The following USP54 variants were observed in gnomAD, a reference collection of about 807,000 sequenced individuals.
USP54 encodes ubiquitin specific peptidase 54.
USP54 carries 87 observed loss-of-function variants against 170.5 expected under a neutral mutation model. That is an observed-to-expected ratio of 0.51 (90% CI 0.43 to 0.61). The LOEUF is 0.61. Ranked by LOEUF, USP54 falls within the 20% of genes least tolerant of loss-of-function variation. The pLI, the probability that USP54 is intolerant of heterozygous loss-of-function variation, is 0.00. For missense variants in USP54, 1,786 were observed against 2,047.8 expected (o/e 0.87, Z 2.47); for synonymous variants, 655 against 742.8 (o/e 0.88, Z 1.92).
chr10:73,530,939 C>G, intron 12 of USP54, 104 bp from the exon 13 acceptor site: 3 of 1,497,032 alleles, frequency 2.0e-6, no homozygotes, highest in Non-Finnish European at 2.7e-6. Context: ...ATTTAGAGTA[C>G]CCATGGAACA....
intron 1 of USP54, among the ~76,000 whole-genome samples, chr10:73,622,414 C>G (rs1011701252): frequency 6.6e-6 from 1 of 151,938 alleles, no homozygotes; most frequent in African/African-American, 2.4e-5. Flanking sequence ...ACCTCCGCTT[C>G]CTGGGTTCAA....
chr10:73,512,366 T>G (rs2060350686), intron 20 of USP54, among the ~76,000 whole-genome samples: 1 of 152,094 alleles, frequency 6.6e-6, no homozygotes, highest in South Asian at 2.1e-4. Context: ...CTTGAACTCC[T>G]GGGCTCAAGT....
chr10:73,544,916 G>A (rs993610384), intron 5 of USP54, among the ~76,000 whole-genome samples: 7 of 151,988 alleles, frequency 4.6e-5, no homozygotes, highest in African/African-American at 7.2e-5. Flanking sequence ...GTTTCGCTAC[G>A]TTGGCCAGGC....
At chr10:73,572,114 C>T (rs1338082830) in intron 3 of USP54, among the ~76,000 whole-genome samples, 1 of 152,122 alleles carries the variant, frequency 6.6e-6, no homozygotes, top group East Asian at 1.9e-4. Context: ...TGTGGTCTTC[C>T]TCCCTAAAAC....
chr10:73,624,768 T>G lies in USP54; in HGVS notation c.-18+799A>C, dbSNP rs78810110. On this transcript the variant is annotated intron_variant, in intron 1 of 22. Transcript: ENST00000339859. The stretch of plus-strand genomic sequence containing the variant: ...GTCCTTAAGACTCAAAGACTAGATG[T>G]TTTCCCCTCTGTGATTTTTAACTCC... Among the ~76,000 whole-genome samples, 97 of 152,312 alleles carry G rather than the reference T, an allele frequency of 6.4e-4. No homozygotes were observed. The East Asian group carries it at 0.015, about 23-fold the overall frequency.
At chr10:73,504,793 A>G in intron 22 of USP54, 57 bp downstream of exon 22, 1 of 1,611,526 alleles carries the variant, frequency 6.2e-7, no homozygotes, top group Non-Finnish European at 8.5e-7. Flanking sequence ...CCTGCACTGT[A>G]TTTTTGCTTA....
chr10:73,535,840 A>T (rs1333867172), intron 11 of USP54, among the ~76,000 whole-genome samples: 1 of 152,148 alleles, frequency 6.6e-6, no homozygotes, highest in Non-Finnish European at 1.5e-5. Context: ...CACCCTGCCC[A>T]GCTACACATT....
chr10:73,504,966 T>C lies in USP54; in HGVS notation c.4195A>G (p.Arg1399Gly). The C allele has an allele frequency of 6.2e-7, 1 of 1,614,144 alleles. No homozygotes were observed. Among genetic ancestry groups the C allele is most frequent in the Non-Finnish European group, 8.5e-7 (1 of 1,180,034 alleles). The change falls in exon 22 of 24, where the codon AGG becomes GGG. Residue 1399 changes from arginine to glycine, a missense_variant. Physicochemically the swap from Arg to Gly is moderately radical, Grantham distance 125. Around this residue, in one of 3 missense-constraint regions of USP54, gnomAD observed 1,418 missense variants for 1,569.0 expected, o/e 0.90. Transcript: ENST00000687698. ...SQATPCRGLS[R>G]ECGEDEQYSA... ...TACTGCTCATCCTCCCCACACTCCC[T>C]GCTGAGGCCTCGGCAAGGTGTAGCC...
Position 73,530,498 on chromosome 10 carries a change from A to T in USP54, c.1473T>A (p.Ala491=). ...TGGATGGTTTGGAGGCATTTCTAGG[A>T]GCCTGCTTCTCTTTCAGTGTTTCTC... ...SEGETLKEKQ[A]PRNASKPSSS... The change falls in exon 14 of 24, where the codon GCT becomes GCA. Residue 491 remains alanine (A), a synonymous_variant. Coordinates refer to ENST00000687698, the MANE Select transcript of USP54 (RefSeq NM_001391956.1). The T allele has an allele frequency of 1.9e-6, 3 of 1,610,038 alleles. No homozygotes were observed. The South Asian group carries it at 3.3e-5, about 18-fold the overall frequency.
intron 4 of USP54, among the ~76,000 whole-genome samples, chr10:73,546,996 T>C (rs1046238131): frequency 6.6e-6 from 1 of 152,234 alleles, no homozygotes; most frequent in Non-Finnish European, 1.5e-5. Flanking sequence ...GTATTACTTG[T>C]GGCAAATATA....
intron 1 of USP54, among the ~76,000 whole-genome samples, chr10:73,621,595 G>A (rs1360748349): frequency 3.3e-5 from 4 of 119,808 alleles, no homozygotes; most frequent in South Asian, 3.4e-4. Context: ...GGGACACTCC[G>A]TCTCAAAAAA....
intron 4 of USP54, among the ~76,000 whole-genome samples, chr10:73,560,663 CAAA>C (rs751168962): frequency 6.1e-4 from 10 of 16,466 alleles, no homozygotes; most frequent in Admixed American, 4.0e-3. Context: ...AACTCCGTCT[CAAA>C]AAAAAAAAAA....
At chr10:73,599,175 TAC>T (rs1377766984) in intron 1 of USP54, among the ~76,000 whole-genome samples, 1 of 152,218 alleles carries the variant, frequency 6.6e-6, no homozygotes, top group African/African-American at 2.4e-5. Context: ...GATCAGTGGA[TAC>T]AGTTATTCGA....
At chr10:73,535,311 A>C (rs1229862252) in intron 11 of USP54, among the ~76,000 whole-genome samples, 1 of 152,128 alleles carries the variant, frequency 6.6e-6, no homozygotes, top group African/African-American at 2.4e-5. Context: ...AGCTGAGATA[A>C]GCATAATAGG....
chr10:73,516,405 C>A lies in USP54; in HGVS notation c.4021G>T (p.Asp1341Tyr). 1 of 1,613,166 alleles carries A rather than the reference C, an allele frequency of 6.2e-7. No individual in the cohort carries two copies. Among genetic ancestry groups the A allele is most frequent in the Middle Eastern group, 1.7e-4 (1 of 6,006 alleles). The change falls in exon 20 of 24, where the codon GAT becomes TAT. Residue 1341 changes from aspartate to tyrosine, a missense_variant. By Grantham distance (160) the Asp-to-Tyr change is radical (BLOSUM62 -3). Transcript: ENST00000687698. ...TGGCTAAGTGGGTGCCAGGCGGTATCCTGCTGCCCCCATCCAGAACAGCCA... is the reference window on the plus strand; with the variant it reads ...TGGCTAAGTGGGTGCCAGGCGGTATACTGCTGCCCCCATCCAGAACAGCCA... ...QAGCSGWGQQ[D>Y]TAWHPLSQTG... is the part of the protein sequence containing the mutation.
intron 23 of USP54, among the ~76,000 whole-genome samples, chr10:73,500,240 T>C (rs991140540): frequency 6.6e-6 from 1 of 152,208 alleles, no homozygotes; most frequent in African/African-American, 2.4e-5. Context: ...CTCCCACTCA[T>C]TCCTTATCTT....
chr10:73,522,798 G>T (rs149644998), intron 17 of USP54, among the ~76,000 whole-genome samples: 1 of 152,298 alleles, frequency 6.6e-6, no homozygotes, highest in Admixed American at 6.5e-5. Flanking sequence ...GATTCTCTAA[G>T]TGTATATAAA....
chr10:73,534,368 A>G (rs1050193414), intron 12 of USP54, among the ~76,000 whole-genome samples: 1 of 151,842 alleles, frequency 6.6e-6, no homozygotes, highest in African/African-American at 2.4e-5. Flanking sequence ...CACCATGCCC[A>G]ACTAATTTTT....
At chr10:73,549,080 C>T (rs912865190) in intron 4 of USP54, among the ~76,000 whole-genome samples, 2 of 152,238 alleles carry the variant, frequency 1.3e-5, no homozygotes, top group Non-Finnish European at 2.9e-5. Context: ...CTTTAAAATA[C>T]TTCCTTCCCC....
Sources: allele counts gnomAD v4.1 joint callset (sites outside exome capture counted in the v4.1 genomes callset), GRCh38; gene constraint gnomAD v4.1.1; regional missense constraint gnomAD v4.1.1; transcripts MANE v1.5; gene names NCBI Gene and HGNC (gene_info 2026-07-23, HGNC 2026-07-21).